CRBN: variants seen among roughly 807,000 people sequenced by gnomAD.
CRBN encodes cereblon, also known as protein cereblon.
CRBN carries 53 observed loss-of-function variants against 62.2 expected under a neutral mutation model. That is an observed-to-expected ratio of 0.85 (90% confidence interval 0.68 to 1.07). The LOEUF (loss-of-function observed/expected upper bound fraction) is 1.07. Among genes scored for constraint, CRBN ranks in the 50% least tolerant of loss-of-function variants. The pLI, the probability that CRBN is intolerant of heterozygous loss-of-function variation, is 0.00. For missense variants in CRBN, 616 were observed against 531.1 expected, an observed-to-expected ratio of 1.16 and a Z score of -1.57; for synonymous variants, 208 against 176.1, an observed-to-expected ratio of 1.18 and a Z score of -1.43.
chr3:3,158,320 C>A (rs1033370873), intron 5 of CRBN, among the ~76,000 whole-genome samples: 3 of 152,170 alleles, frequency 2.0e-5, no homozygotes, highest in Non-Finnish European at 4.4e-5. Context: ...CCACTCACCA[C>A]CGGCTGTGCG....
chr3:3,165,716 CTTGTT>C lies in CRBN; in HGVS notation c.687+1913_687+1917del, dbSNP rs1359647526. The stretch of plus-strand genomic sequence containing the variant: ...TCATGAGACTAACTTTATTGTGATA[CTTGTT>C]TTATTGCAGCAGTTTGAAACTGAAC... On this transcript the variant is annotated intron_variant, in intron 5 of 10. Transcript: ENST00000231948. 3.3e-5 allele frequency among the ~76,000 whole-genome samples: 5 copies of C among 152,032 alleles called. No individual in the cohort carries two copies. In the South Asian group the frequency reaches 1.0e-3, roughly 31 times the overall value.
rs1553563717 is a variant in CRBN at position 3,179,622 on chromosome 3, AGGCAGGAGC to A, written c.57_65del (p.Leu20_Pro22del). 6 of 1,613,636 alleles carry A rather than the reference AGGCAGGAGC, an allele frequency of 3.7e-6. No homozygotes were observed. Among genetic ancestry groups the A allele is most frequent in the Middle Eastern group, 3.3e-4 (2 of 6,062 alleles). Reference sequence around the variant, plus strand: ...CAGGGAACTACTCCGGGCGGTTACCAGGCAGGAGCGGCAGGTGGTTGCCCATGTTGTGCG... The same window carrying A: ...CAGGGAACTACTCCGGGCGGTTACCAGGCAGGTGGTTGCCCATGTTGTGCG... On this transcript the variant is annotated inframe_deletion and splice_region_variant, in exon 1 of 11. Coordinates refer to ENST00000231948, the MANE Select transcript of CRBN (RefSeq NM_016302.4).
intron 5 of CRBN, among the ~76,000 whole-genome samples, chr3:3,167,272 C>G (rs534532438): frequency 1.0e-3 from 158 of 152,308 alleles, no homozygotes; most frequent in African/African-American, 3.7e-3. Flanking sequence ...TACTACTACT[C>G]TACCCCAAAA....
chr3:3,170,217 A>G (rs1481997337), intron 4 of CRBN, among the ~76,000 whole-genome samples: 2 of 152,194 alleles, frequency 1.3e-5, no homozygotes, highest in African/African-American at 4.8e-5. Context: ...CTGGCCTTAA[A>G]TGATTCACAT....
Position 3,174,215 on chromosome 3 carries a change from T to C in CRBN, c.221A>G (p.Asp74Gly). 1 of 1,614,210 alleles carries C rather than the reference T, an allele frequency of 6.2e-7. No individual in the cohort carries two copies. Among genetic ancestry groups the C allele is most frequent in the South Asian group, 1.1e-5 (1 of 91,082 alleles). Residue 74 changes from aspartate to glycine, a missense_variant, in exon 3 of 11, where the codon GAT becomes GGT. Physicochemically the swap from Asp to Gly is moderately conservative, Grantham distance 94. Coordinates refer to ENST00000231948, the MANE Select transcript of CRBN (RefSeq NM_016302.4). Reference sequence around the variant, plus strand: ...TGGAATCACCTGACAGCTGTCGTCATCGTGCAAAGTCCTGCCATGAAATTC... The same window carrying C: ...TGGAATCACCTGACAGCTGTCGTCACCGTGCAAAGTCCTGCCATGAAATTC... ...MEEFHGRTLH[D>G]DDSCQVIPVL... is the part of the protein sequence containing the mutation.
rs1706760377 is a variant in CRBN, at chr3:3,154,050, AC to A, written c.860del (p.Cys287PhefsTer8). 1 of 1,612,642 alleles carries A rather than the reference AC, an allele frequency of 6.2e-7. No homozygotes were observed. The highest frequency in any genetic ancestry group is 1.7e-5 in the Admixed American group (1 of 60,002). ...PIDFSYRVAA[C>X]LPIDDVLRIQ... ...TTCTCAATACATCATCAATAGGAAG[AC>A]AAGCAGCTACTCTGTAAGAAAAATC... On this transcript the variant is annotated frameshift_variant, in exon 8 of 11. Coordinates refer to ENST00000231948, the MANE Select transcript of CRBN (RefSeq NM_016302.4). LOFTEE classifies it high-confidence loss of function.
At chr3:3,153,377 A>G (rs759405801) in intron 9 of CRBN, 47 bp downstream of exon 9, 1 of 1,059,590 alleles carries the variant, frequency 9.4e-7, no homozygotes, top group Non-Finnish European at 1.5e-6. Flanking sequence ...AGTCTTCATT[A>G]TAATTCTGAT....
At chr3:3,164,691 A>T (rs1056019372) in intron 5 of CRBN, among the ~76,000 whole-genome samples, 2 of 152,234 alleles carry the variant, frequency 1.3e-5, no homozygotes, top group Non-Finnish European at 2.9e-5. Context: ...TATAATTATT[A>T]CTGCTCATTG....
At chr3:3,164,430 T>C (rs370044515) in intron 5 of CRBN, among the ~76,000 whole-genome samples, 11 of 152,192 alleles carry the variant, frequency 7.2e-5, no homozygotes, top group African/African-American at 2.4e-4. Flanking sequence ...CAAATTTCCG[T>C]TGAGCCAAAG....
intron 5 of CRBN, among the ~76,000 whole-genome samples, chr3:3,162,037 A>G (rs575257030): frequency 6.6e-6 from 1 of 152,354 alleles, no homozygotes; most frequent in East Asian, 1.9e-4. Context: ...GAGATTACGT[A>G]TGAGACCCCT....
intron 7 of CRBN, 199 bp from the exon 8 acceptor site, chr3:3,154,274 C>T: frequency 1.8e-6 from 1 of 569,318 alleles, no homozygotes. Flanking sequence ...TTTTCTTATA[C>T]TTTTTTTGGT....
intron 5 of CRBN, among the ~76,000 whole-genome samples, chr3:3,158,406 G>C (rs77072037): frequency 0.012 from 1,795 of 152,310 alleles, 13 homozygotes; most frequent in African/African-American, 0.02. Flanking sequence ...AAGGTGATCT[G>C]AGATGGCCTC....
At chr3:3,163,815 AAAAC>A (rs1269120175) in intron 5 of CRBN, among the ~76,000 whole-genome samples, 1 of 152,224 alleles carries the variant, frequency 6.6e-6, no homozygotes, top group African/African-American at 2.4e-5. Context: ...ACTGCCTTTA[AAAAC>A]AAACAAACAA....
Position 3,154,771 on chromosome 3 carries a change from C to A in CRBN, c.811G>T (p.Asp271Tyr), listed in dbSNP as rs1356862598. ...LREWDENLKD[D>Y]SLPSNPIDFS... ...CCTATTGGATTTGAAGGAAGAGAAT[C>A]ATCTTTTAGATTTTCATCCCATTCA... is the stretch of plus-strand genomic sequence containing the variant. The change falls in exon 7 of 11, where the codon GAT (aspartate) becomes TAT (tyrosine). Residue 271 changes from aspartate to tyrosine, a missense_variant. Transcript: ENST00000231948. 2.5e-6 allele frequency: 4 copies of A among 1,601,404 alleles called. No individual in the cohort carries two copies. Among genetic ancestry groups the A allele is most frequent in the African/African-American group, 1.3e-5 (1 of 74,762 alleles).
At chr3:3,155,043 ACT>A (rs1706821516) in intron 6 of CRBN, 4 of 582,226 alleles carry the variant, frequency 6.9e-6, no homozygotes, top group Non-Finnish European at 1.2e-5. Flanking sequence ...TTTCTCACTC[ACT>A]GTCTTAACCC....
intron 5 of CRBN, among the ~76,000 whole-genome samples, chr3:3,163,506 T>C (rs1001895728): frequency 5.9e-5 from 9 of 152,122 alleles, no homozygotes; most frequent in African/African-American, 2.2e-4. Flanking sequence ...GCTTTAACCA[T>C]AGAACAGGAA....
intron 2 of CRBN, 39 bp downstream of exon 2, chr3:3,175,124 G>A: frequency 3.2e-6 from 4 of 1,253,588 alleles, no homozygotes; most frequent in Non-Finnish European, 4.7e-6. Context: ...ACATTTAAAT[G>A]TATATCTATT....
downstream of CRBN, chr3:3,149,870 A>C (rs997247770): frequency 6.6e-6 from 1 of 152,136 alleles, no homozygotes; most frequent in Non-Finnish European, 1.5e-5. Context: ...GACTACCAAT[A>C]AAACGAAAGT....
Position 3,167,631 on chromosome 3 carries a change from C to T in CRBN, c.687+3G>A, listed in dbSNP as rs747181837. Reference sequence around the variant, plus strand: ...GAAGATGCATAAAAAATTAGTTTCTCACCTTCTGGTATTTCTGCCACCATT... The same window carrying T: ...GAAGATGCATAAAAAATTAGTTTCTTACCTTCTGGTATTTCTGCCACCATT... On this transcript the variant is annotated splice_donor_region_variant and intron_variant, in intron 5 of 10. Transcript: ENST00000231948. The T allele has an allele frequency of 5.6e-6, 9 of 1,612,250 alleles. No individual in the cohort carries two copies. The South Asian group carries it at 8.8e-5, about 16-fold the overall frequency.
Sources: allele counts gnomAD v4.1 joint callset (sites outside exome capture counted in the v4.1 genomes callset), GRCh38; gene constraint gnomAD v4.1.1; transcripts MANE v1.5; gene names NCBI Gene and HGNC (gene_info 2026-07-23, HGNC 2026-07-21).